The following RFX3 variants were observed in gnomAD, a reference collection of about 807,000 sequenced individuals.
RFX3 encodes the protein transcription factor RFX3.
A neutral mutation model predicts 98.6 loss-of-function variants in RFX3; 14 were observed. The ratio of observed to expected loss-of-function variants is 0.14; its 90% CI spans 0.09 to 0.22. RFX3 has a LOEUF of 0.22. Among genes scored for constraint, RFX3 ranks in the 10% least tolerant of loss-of-function variants. The probability of loss-of-function intolerance (pLI) is 1.00; values close to 1 mark genes in which losing one functional copy is unlikely to be tolerated. For missense variants in RFX3, 639 were observed against 926.9 expected (o/e 0.69, Z 4.03); for synonymous variants, 383 against 328.4 (o/e 1.17, Z -1.80).
chr9:3,407,499 A>G (rs1278158561), intron 1 of RFX3, among the ~76,000 whole-genome samples: 1 of 152,168 alleles, frequency 6.6e-6, no homozygotes, highest in Non-Finnish European at 1.5e-5. Context: ...AACTAGAAAT[A>G]GGCAGAGTGA....
intron 13 of RFX3, among the ~76,000 whole-genome samples, chr9:3,258,875 T>C (rs1240243609): frequency 6.6e-6 from 1 of 151,204 alleles, no homozygotes; most frequent in Non-Finnish European, 1.5e-5. Flanking sequence ...AAAACACATA[T>C]ATCTACACAT....
intron 4 of RFX3, among the ~76,000 whole-genome samples, chr9:3,311,502 G>A (rs1049339580): frequency 6.6e-6 from 1 of 152,174 alleles, no homozygotes; most frequent in South Asian, 2.1e-4. Flanking sequence ...CTTCCCTTTT[G>A]CATTTAGTCT....
At chr9:3,226,768 T>G (rs1285861758) in intron 16 of RFX3, among the ~76,000 whole-genome samples, 1 of 152,214 alleles carries the variant, frequency 6.6e-6, no homozygotes, top group Non-Finnish European at 1.5e-5. Flanking sequence ...TTGCATGATA[T>G]GTTTTGGTTT....
chr9:3,427,205 C>T (rs1488687518), intron 1 of RFX3, among the ~76,000 whole-genome samples: 2 of 142,914 alleles, frequency 1.4e-5, no homozygotes, highest in Non-Finnish European at 3.0e-5. Flanking sequence ...ATATACTATA[C>T]TATATAATAA....
chr9:3,370,043 G>T (rs375946361), intron 2 of RFX3, among the ~76,000 whole-genome samples: 10,133 of 140,814 alleles, frequency 0.072, 498 homozygotes, highest in South Asian at 0.18. Flanking sequence ...GGGTTTCCCC[G>T]TGTTAGCCAG....
intron 1 of RFX3, among the ~76,000 whole-genome samples, chr9:3,413,486 C>T (rs1842638914): frequency 6.6e-6 from 1 of 151,944 alleles, no homozygotes; most frequent in Admixed American, 6.6e-5. Context: ...TTTTAAATGG[C>T]CCACCTTTAG....
intron 2 of RFX3, among the ~76,000 whole-genome samples, chr9:3,347,308 G>A (rs978900515): frequency 7.3e-5 from 11 of 150,734 alleles, no homozygotes; most frequent in Non-Finnish European, 8.9e-5. Context: ...GTGACAGAGT[G>A]AGATTCTGTC....
chr9:3,360,507 C>CAA (rs993155329), intron 2 of RFX3, among the ~76,000 whole-genome samples: 64 of 151,856 alleles, frequency 4.2e-4, no homozygotes, highest in African/African-American at 1.5e-3. Flanking sequence ...TTTATTCTGT[C>CAA]AACTGAAGGG....
intron 6 of RFX3, among the ~76,000 whole-genome samples, chr9:3,291,390 A>AAAAACAAAACAAAAC (rs71324240): frequency 7.1e-6 from 1 of 139,870 alleles, no homozygotes; most frequent in Admixed American, 6.8e-5. Context: ...AAACAAAAAC[A>AAAAACAAAACAAAAC]AAAACAAAAC....
chr9:3,504,439 T>C (rs1344054067), intron 1 of RFX3, among the ~76,000 whole-genome samples: 16 of 128,782 alleles, frequency 1.2e-4, no homozygotes, highest in African/African-American at 2.4e-4. Context: ...ATATATTGTA[T>C]ATAAAATATA....
chr9:3,466,720 T>C (rs1327337404), intron 1 of RFX3, among the ~76,000 whole-genome samples: 2 of 152,064 alleles, frequency 1.3e-5, no homozygotes, highest in Admixed American at 1.3e-4. Flanking sequence ...ACTGATAAAA[T>C]GTAAATGTCA....
intron 14 of RFX3, among the ~76,000 whole-genome samples, chr9:3,251,512 T>A (rs1052825122): frequency 4.6e-5 from 7 of 152,042 alleles, no homozygotes. Context: ...TATTTTATTT[T>A]GTTAGAGATG....
intron 1 of RFX3, among the ~76,000 whole-genome samples, chr9:3,433,710 TAAAG>T (rs1398409705): frequency 3.9e-5 from 6 of 152,174 alleles, no homozygotes; most frequent in African/African-American, 1.4e-4. Flanking sequence ...GCCTATTCCA[TAAAG>T]ATTTTCACAA....
rs1182148292 is a variant in RFX3 at position 3,525,823 on chromosome 9, G to T, written c.-85C>A. On this transcript the variant is annotated 5_prime_UTR_variant, in exon 1 of 17. Transcript: ENST00000617270. ...GTGGGGAGGAGGAGGAGGAAGAGGA[G>T]GAGGAGGAGGAGAGGAGTAGTTGTT... 3 of 923,556 alleles carry T rather than the reference G, an allele frequency of 3.2e-6. No individual in the cohort carries two copies. Among genetic ancestry groups the T allele is most frequent in the Non-Finnish European group, 3.9e-6 (3 of 772,756 alleles). 57.2% of individuals were successfully genotyped at this position (923,556 alleles called of 1,614,324 possible).
chr9:3,440,977 G>A (rs1424512217), intron 1 of RFX3, among the ~76,000 whole-genome samples: 1 of 152,124 alleles, frequency 6.6e-6, no homozygotes, highest in Non-Finnish European at 1.5e-5. Context: ...AGGCATCCAA[G>A]TAAAGAAAGA....
intron 1 of RFX3, among the ~76,000 whole-genome samples, chr9:3,419,965 C>T (rs990339368): frequency 2.0e-5 from 3 of 152,194 alleles, no homozygotes; most frequent in Non-Finnish European, 4.4e-5. Flanking sequence ...AGAAATCAAT[C>T]AGCTTTTTCT....
At chr9:3,418,162 G>A (rs7020911) in intron 1 of RFX3, among the ~76,000 whole-genome samples, 6,698 of 152,030 alleles carry the variant, frequency 0.044, 432 homozygotes, top group African/African-American at 0.13. Flanking sequence ...CATGATATTG[G>A]GCAAGTTACT....
intron 15 of RFX3, among the ~76,000 whole-genome samples, chr9:3,235,941 A>AT (rs1819095189): frequency 6.6e-6 from 1 of 152,154 alleles, no homozygotes; most frequent in Non-Finnish European, 1.5e-5. Context: ...TGCCCATTCT[A>AT]CTGCTTATCA....
rs569913736 is a variant in RFX3, at chr9:3,276,982, AACTTTAT to A, written c.973+351_973+357del. Among the ~76,000 whole-genome samples, 1,045 of 152,170 alleles carry A rather than the reference AACTTTAT, an allele frequency of 6.9e-3. 4 individuals carry two copies. Among genetic ancestry groups the A allele is most frequent in the Admixed American group, 0.014 (212 of 15,238 alleles). ...TTCTAATCTGAGCCTGTGCATATATAACTTTATACATAGGAAATGAGAATTCTTTTTG... is the reference window on the plus strand; with the variant it reads ...TTCTAATCTGAGCCTGTGCATATATAACATAGGAAATGAGAATTCTTTTTG... On this transcript the variant is annotated intron_variant, in intron 8 of 16. Transcript: ENST00000617270.
Sources: allele counts gnomAD v4.1 joint callset (sites outside exome capture counted in the v4.1 genomes callset), GRCh38; gene constraint gnomAD v4.1.1; transcripts MANE v1.5; gene names NCBI Gene and HGNC (gene_info 2026-07-23, HGNC 2026-07-21).